Variants in ACTR3C observed in about 807,000 individuals in gnomAD.
ACTR3C encodes the protein actin-related protein 3C.
Under a neutral mutation model 26.3 loss-of-function variants are expected in ACTR3C, and 18 were observed. The ratio of observed to expected loss-of-function variants is 0.68; its 90% confidence interval spans 0.47 to 1.01. The LOEUF is 1.01. ACTR3C is among the 50% of genes least tolerant of loss of function. ACTR3C has a pLI of 0.00. For missense variants in ACTR3C, 184 were observed against 250.7 expected (o/e 0.73, Z 1.80); for synonymous variants, 55 against 94.5 (o/e 0.58, Z 2.42).
At chr7:150,231,115 C>T in the ACTR3C span, among the ~76,000 whole-genome samples, 1 of 152,154 alleles carries the variant, frequency 6.6e-6, no homozygotes, top group African/African-American at 2.4e-5. Flanking sequence ...TTGCATCCTA[C>T]AAATTTTGAT....
the ACTR3C span, among the ~76,000 whole-genome samples, chr7:150,237,290 C>T: frequency 6.6e-6 from 1 of 152,224 alleles, no homozygotes; most frequent in Admixed American, 6.5e-5. Context: ...ACCAGCCTGA[C>T]TTTCAATTGC....
the ACTR3C span, among the ~76,000 whole-genome samples, chr7:149,893,981 C>T: frequency 2.0e-5 from 3 of 152,138 alleles, no homozygotes; most frequent in Admixed American, 6.6e-5. Flanking sequence ...TCAAGGGAAT[C>T]TTAAGCAAAA....
the ACTR3C span, among the ~76,000 whole-genome samples, chr7:150,191,919 G>A: frequency 3.3e-5 from 5 of 152,272 alleles, no homozygotes; most frequent in African/African-American, 1.2e-4. Flanking sequence ...ACCATACTGA[G>A]AATTGTCTAT....
the ACTR3C span, among the ~76,000 whole-genome samples, chr7:149,981,544 T>G: frequency 1.3e-5 from 2 of 149,904 alleles, no homozygotes; most frequent in African/African-American, 2.4e-5. Context: ...GACCCTATAA[T>G]TAGGACTCAG....
At chr7:149,985,146 A>T in the ACTR3C span, among the ~76,000 whole-genome samples, 671 of 151,986 alleles carry the variant, frequency 4.4e-3, 4 homozygotes, top group Non-Finnish European at 5.8e-3. Context: ...GTCTGAAGAC[A>T]AAGAGATTAT....
chr7:149,892,462 G>A, the ACTR3C span: 3 of 1,467,036 alleles, frequency 2.0e-6, no homozygotes, highest in Non-Finnish European at 2.7e-6. Context: ...ATGATCAAAA[G>A]GGATAATATC....
At chr7:149,960,734 T>G in the ACTR3C span, among the ~76,000 whole-genome samples, 1 of 151,782 alleles carries the variant, frequency 6.6e-6, no homozygotes, top group African/African-American at 2.4e-5. Flanking sequence ...CAGTGGTATT[T>G]AGGAAGAAAT....
the ACTR3C span, among the ~76,000 whole-genome samples, chr7:149,969,907 T>C: frequency 6.6e-6 from 1 of 152,178 alleles, no homozygotes; most frequent in African/African-American, 2.4e-5. Context: ...GATTTAACTA[T>C]GCTCCACCAT....
At chr7:150,245,001 G>T (rs942260750), downstream of ACTR3C, 1 of 152,192 alleles carries the variant, frequency 6.6e-6, no homozygotes, top group Non-Finnish European at 1.5e-5. Context: ...GACTTCCCTT[G>T]AGAAATGGCA....
At chr7:149,967,859 A>G in the ACTR3C span, among the ~76,000 whole-genome samples, 1 of 151,974 alleles carries the variant, frequency 6.6e-6, no homozygotes, top group Non-Finnish European at 1.5e-5. Flanking sequence ...GCGTAGAAAG[A>G]ACTTCCCAGG....
chr7:150,097,978 C>T, the ACTR3C span, among the ~76,000 whole-genome samples: 3 of 151,560 alleles, frequency 2.0e-5, no homozygotes, highest in Non-Finnish European at 4.4e-5. Flanking sequence ...TCATAGACGT[C>T]ATGGACTGAC....
chr7:150,079,846 C>G, the ACTR3C span, among the ~76,000 whole-genome samples: 1 of 152,278 alleles, frequency 6.6e-6, no homozygotes, highest in Non-Finnish European at 1.5e-5. Flanking sequence ...TTGCCCCAGA[C>G]CTTTCTAGAT....
chr7:149,889,588 C>A, the ACTR3C span, among the ~76,000 whole-genome samples: 1 of 152,158 alleles, frequency 6.6e-6, no homozygotes, highest in African/African-American at 2.4e-5. Context: ...TGAGACATTT[C>A]ATACTCATCA....
chr7:150,235,355 G>A, the ACTR3C span, among the ~76,000 whole-genome samples: 4 of 152,096 alleles, frequency 2.6e-5, no homozygotes, highest in East Asian at 1.9e-4. Flanking sequence ...TTCCTCCATC[G>A]CTGCCCATTC....
At chr7:149,977,232 A>G in the ACTR3C span, among the ~76,000 whole-genome samples, 1 of 152,184 alleles carries the variant, frequency 6.6e-6, no homozygotes. Context: ...CCAAGTCTGG[A>G]GACCCACCTG....
chr7:150,235,674 A>C, the ACTR3C span, among the ~76,000 whole-genome samples: 4 of 152,210 alleles, frequency 2.6e-5, no homozygotes, highest in African/African-American at 9.7e-5. Context: ...TTCGGCTACC[A>C]ATTTAGCTTG....
chr7:150,128,035 A>T, the ACTR3C span, among the ~76,000 whole-genome samples: 1 of 144,286 alleles, frequency 6.9e-6, no homozygotes, highest in South Asian at 2.1e-4. Flanking sequence ...ATAACAAATT[A>T]CCTGATCAAA....
the ACTR3C span, among the ~76,000 whole-genome samples, chr7:149,908,423 T>C: frequency 2.6e-5 from 4 of 152,114 alleles, no homozygotes; most frequent in Admixed American, 2.6e-4. Context: ...GGCCAGTTTT[T>C]CAGCAAGCAA....
At chr7:150,032,237 G>C in the ACTR3C span, among the ~76,000 whole-genome samples, 1 of 152,246 alleles carries the variant, frequency 6.6e-6, no homozygotes, top group South Asian at 2.1e-4. Context: ...GAGACAGGTA[G>C]ATGAGGTTGC....
Sources: allele counts gnomAD v4.1 joint callset (sites outside exome capture counted in the v4.1 genomes callset), GRCh38; gene constraint gnomAD v4.1.1; transcripts MANE v1.5; gene names NCBI Gene and HGNC (gene_info 2026-07-23, HGNC 2026-07-21).